Variants in MCTP2 observed in about 807,000 individuals in gnomAD.
The protein encoded by MCTP2 is multiple C2 and transmembrane domain-containing protein 2.
Under a neutral mutation model 111.6 loss-of-function variants are expected in MCTP2, and 132 were observed. That is an observed-to-expected ratio of 1.18 (90% confidence interval 1.03 to 1.37). The LOEUF (loss-of-function observed/expected upper bound fraction) is 1.37. Among genes scored for constraint, MCTP2 ranks in the 40% most tolerant of loss-of-function variants. The pLI is 0.00. For missense variants in MCTP2, 1,183 were observed against 1,067.9 expected (o/e 1.11, Z -1.50); for synonymous variants, 395 against 387.7 (o/e 1.02, Z -0.22).
At chr15:94,363,614 T>G (rs917656017) in intron 10 of MCTP2, among the ~76,000 whole-genome samples, 5 of 152,192 alleles carry the variant, frequency 3.3e-5, no homozygotes, top group African/African-American at 1.2e-4. Context: ...ACAAAGCCAC[T>G]GGATTCCATG....
At chr15:94,358,725 G>A in intron 10 of MCTP2, 113 bp downstream of exon 10, 1 of 1,295,798 alleles carries the variant, frequency 7.7e-7, no homozygotes, top group Middle Eastern at 2.1e-4. Flanking sequence ...CCTCACCCCA[G>A]AGTGCCATCA....
intron 2 of MCTP2, 60 bp downstream of exon 2, chr15:94,298,790 C>CT: frequency 8.8e-7 from 1 of 1,141,996 alleles, no homozygotes; most frequent in African/African-American, 1.6e-5. Flanking sequence ...CTTTCCCTCT[C>CT]TTTCTCCCTC....
At chr15:94,247,625 C>T (rs572554420) in intron 1 of MCTP2, among the ~76,000 whole-genome samples, 1 of 152,242 alleles carries the variant, frequency 6.6e-6, no homozygotes, top group Non-Finnish European at 1.5e-5. Context: ...AAAACGGGCG[C>T]ATCCTCACCA....
Position 94,358,605 on chromosome 15 carries a change from C to T in MCTP2, c.1294C>T (p.Leu432=), listed in dbSNP as rs1448614882. ...GGACAACAAAAAGCATGAGGAACGT[C>T]TGGGCACGTGAGTCCCCTCTGCTTT... The part of the protein sequence containing the change: ...GKDNKKHEER[L]GTCKVDISAL... Residue 432 remains leucine, a synonymous_variant, in exon 10 of 23, where the codon CTG becomes TTG. Transcript: ENST00000357742. The T allele has an allele frequency of 6.2e-7, 1 of 1,613,406 alleles. No individual in the cohort carries two copies. The highest frequency in any genetic ancestry group is 2.2e-5 in the East Asian group (1 of 44,828).
intron 18 of MCTP2, among the ~76,000 whole-genome samples, chr15:94,442,332 G>A (rs543719062): frequency 6.6e-6 from 1 of 152,272 alleles, no homozygotes; most frequent in East Asian, 1.9e-4. Flanking sequence ...TGGTGCTGTG[G>A]CACCTGAGCT....
At chr15:94,304,612 C>A (rs944733091) in intron 2 of MCTP2, among the ~76,000 whole-genome samples, 2 of 152,128 alleles carry the variant, frequency 1.3e-5, no homozygotes, top group Non-Finnish European at 2.9e-5. Context: ...GCATTTCCTC[C>A]CCACAGTCAG....
At chr15:94,273,096 G>C (rs10152399) in intron 1 of MCTP2, among the ~76,000 whole-genome samples, 3 of 152,158 alleles carry the variant, frequency 2.0e-5, no homozygotes, top group African/African-American at 7.2e-5. Flanking sequence ...GGACTCAATA[G>C]TGACATACCG....
At chr15:94,334,302 C>T (rs370307521) in intron 4 of MCTP2, among the ~76,000 whole-genome samples, 2 of 152,172 alleles carry the variant, frequency 1.3e-5, no homozygotes, top group African/African-American at 2.4e-5. Context: ...GTAAAAGGAA[C>T]GTCTGAGACT....
intron 19 of MCTP2, among the ~76,000 whole-genome samples, chr15:94,452,367 A>G (rs796866130): frequency 2.6e-5 from 4 of 152,350 alleles, no homozygotes; most frequent in Admixed American, 6.5e-5. Context: ...TTGAGAGAAC[A>G]AAGACCGTAG....
chr15:94,311,361 A>T (rs2076133216), intron 2 of MCTP2, among the ~76,000 whole-genome samples: 1 of 152,148 alleles, frequency 6.6e-6, no homozygotes, highest in Non-Finnish European at 1.5e-5. Context: ...TAATATTGGT[A>T]TTCTGGGGTA....
intron 2 of MCTP2, among the ~76,000 whole-genome samples, chr15:94,303,128 AG>A: frequency 2.9e-5 from 4 of 138,056 alleles, no homozygotes; most frequent in Admixed American, 7.4e-5. Context: ...TTATATATAT[AG>A]TTTATATATA....
chr15:94,332,083 T>C (rs566502418), intron 4 of MCTP2, among the ~76,000 whole-genome samples: 13 of 152,280 alleles, frequency 8.5e-5, no homozygotes, highest in Middle Eastern at 6.8e-3. Flanking sequence ...TGAAGTAATA[T>C]AGATTTTTCT....
chr15:94,403,176 C>T (rs1179930874), intron 17 of MCTP2: 1 of 985,370 alleles, frequency 1.0e-6, no homozygotes. Flanking sequence ...TGCCTGTAGG[C>T]TTGACCTTTC....
chr15:94,251,747 AT>A (rs2152268542), intron 1 of MCTP2, among the ~76,000 whole-genome samples: 3 of 152,204 alleles, frequency 2.0e-5, no homozygotes, highest in South Asian at 2.1e-4. Context: ...TGAACTCTTC[AT>A]TTTGTGTAAC....
chr15:94,314,290 T>A lies in MCTP2; in HGVS notation c.474T>A (p.Cys158Ter). 6.2e-7 allele frequency: 1 copy of A among 1,608,492 alleles called. No homozygotes were observed. Among genetic ancestry groups the A allele is most frequent in the Non-Finnish European group, 8.5e-7 (1 of 1,177,656 alleles). The part of the protein sequence containing the change: ...GDAPEEPEKL[C>*]GSSDLNASMT... ...TTTCTTTTTCTTTGCAGAAGCTATG[T>A]GGAAGCAGTGACCTGAATGCTTCTA... Residue 158 changes from cysteine to a stop codon, truncating the protein, a stop_gained, in exon 3 of 23, where the codon TGT (cysteine) becomes TGA (stop). Transcript: ENST00000357742. LOFTEE classifies it high-confidence loss of function.
At chr15:94,310,491 AT>A (rs1172279257) in intron 2 of MCTP2, among the ~76,000 whole-genome samples, 5 of 151,836 alleles carry the variant, frequency 3.3e-5, no homozygotes, top group Non-Finnish European at 5.9e-5. Flanking sequence ...TTTTAAGTAA[AT>A]TTTTTTTAAA....
chr15:94,310,399 G>A (rs1189792799), intron 2 of MCTP2, among the ~76,000 whole-genome samples: 1 of 152,148 alleles, frequency 6.6e-6, no homozygotes, highest in Non-Finnish European at 1.5e-5. Flanking sequence ...TGATTGTGGT[G>A]GGGGTTATAC....
intron 1 of MCTP2, among the ~76,000 whole-genome samples, chr15:94,261,080 C>G (rs2073151338): frequency 6.6e-6 from 1 of 152,122 alleles, no homozygotes; most frequent in Non-Finnish European, 1.5e-5. Flanking sequence ...ACTTTTAAAT[C>G]TACCTGTGAC....
intron 4 of MCTP2, among the ~76,000 whole-genome samples, chr15:94,336,723 ATATT>A (rs556352346): frequency 5.6e-5 from 8 of 143,756 alleles, no homozygotes; most frequent in East Asian, 2.0e-4. Context: ...ATGTATGTGT[ATATT>A]TATGTGCATA....
Sources: allele counts gnomAD v4.1 joint callset (sites outside exome capture counted in the v4.1 genomes callset), GRCh38; gene constraint gnomAD v4.1.1; transcripts MANE v1.5; gene names NCBI Gene and HGNC (gene_info 2026-07-23, HGNC 2026-07-21).